The following TANC2 variants were observed in gnomAD, a reference collection of about 807,000 sequenced individuals.
TANC2 encodes protein TANC2.
Under a neutral mutation model 210.5 loss-of-function variants are expected in TANC2, and 26 were observed. The observed-to-expected ratio is 0.12, with a 90% CI of 0.09 to 0.17. TANC2 has a LOEUF of 0.17. Ranked by LOEUF, TANC2 falls within the 10% of genes least tolerant of loss-of-function variation. The pLI, the probability that TANC2 is intolerant of heterozygous loss-of-function variation, is 1.00. For missense variants in TANC2, 2,129 were observed against 2,608.9 expected (o/e 0.82, Z 4.01); for synonymous variants, 931 against 967.1 (o/e 0.96, Z 0.69).
At chr17:63,341,384 G>A (rs962422056) in intron 12 of TANC2, among the ~76,000 whole-genome samples, 2 of 152,016 alleles carry the variant, frequency 1.3e-5, no homozygotes, top group Non-Finnish European at 2.9e-5. Flanking sequence ...TTCTGCCTTC[G>A]TCATGTTTCT....
rs1341893922 is a variant in TANC2, at chr17:62,976,622, T to TC, written c.-24+9877dup. Among the ~76,000 whole-genome samples the TC allele has an allele frequency of 3.3e-5, 5 of 152,148 alleles. No homozygotes were observed. In the South Asian group the frequency reaches 8.3e-4, roughly 25 times the overall value. On this transcript the variant is annotated intron_variant, in intron 1 of 27. Transcript: ENST00000689528. Reference sequence around the variant, plus strand: ...AGGTTCCTCTTCAAAGAAACTTTCCTCCCCGTCTAATTAGGAATAAATAGT... The same window carrying TC: ...AGGTTCCTCTTCAAAGAAACTTTCCTCCCCCGTCTAATTAGGAATAAATAGT...
At chr17:63,290,990 A>T (rs1598787183) in intron 9 of TANC2, among the ~76,000 whole-genome samples, 1 of 152,134 alleles carries the variant, frequency 6.6e-6, no homozygotes, top group Admixed American at 6.5e-5. Context: ...CTTCTCAATA[A>T]CTTTTCTAAA....
chr17:63,255,959 G>T lies in TANC2; in HGVS notation c.1034-11789G>T, dbSNP rs1252872463. ...CTCACTCTGTTGCCCTGGCTGGAGT[G>T]CAGTGGTGTGATCCCAGCTCATTGC... On this transcript the variant is annotated intron_variant, in intron 8 of 27. Transcript: ENST00000689528. 3.7e-5 allele frequency among the ~76,000 whole-genome samples: 5 copies of T among 136,660 alleles called. No individual in the cohort carries two copies. The Admixed American group carries it at 3.9e-4, about 11-fold the overall frequency. The allele number at this position is 136,660 out of a possible 152,430, so 89.7% of individuals were successfully genotyped here. A position where few individuals can be genotyped will look rare whatever the true frequency, so the allele number is the denominator to read the frequency against.
chr17:63,329,733 G>A (rs1011483589), intron 11 of TANC2, among the ~76,000 whole-genome samples: 1 of 152,094 alleles, frequency 6.6e-6, no homozygotes, highest in African/African-American at 2.4e-5. Context: ...TATGTGTTCC[G>A]ATGACTCTAC....
At chr17:63,245,830 G>A (rs185053807) in intron 8 of TANC2, among the ~76,000 whole-genome samples, 15 of 148,998 alleles carry the variant, frequency 1.0e-4, no homozygotes, top group Admixed American at 2.0e-4. Flanking sequence ...GCAACAAGGC[G>A]GGACTCCTTA....
chr17:63,110,957 A>G (rs1327336043), intron 4 of TANC2, among the ~76,000 whole-genome samples: 1 of 152,166 alleles, frequency 6.6e-6, no homozygotes, highest in Non-Finnish European at 1.5e-5. Context: ...TACTCTGAGT[A>G]TGTTTTGTTA....
chr17:62,988,635 C>G (rs1370577753), intron 1 of TANC2, among the ~76,000 whole-genome samples: 1 of 152,144 alleles, frequency 6.6e-6, no homozygotes, highest in Non-Finnish European at 1.5e-5. Context: ...GTAACAGTTG[C>G]TTTGGGTTAC....
intron 8 of TANC2, among the ~76,000 whole-genome samples, chr17:63,262,629 C>G (rs1258974285): frequency 6.9e-6 from 1 of 145,370 alleles, no homozygotes; most frequent in Non-Finnish European, 1.5e-5. Flanking sequence ...TAGTAGTCCT[C>G]TTTTTTTTTT....
intron 1 of TANC2, among the ~76,000 whole-genome samples, chr17:62,977,221 T>C (rs1351586579): frequency 6.6e-6 from 1 of 152,256 alleles, no homozygotes; most frequent in Non-Finnish European, 1.5e-5. Flanking sequence ...GCTTCAGTTA[T>C]TTCTGTAGCA....
chr17:63,194,179 A>G (rs769035223), intron 6 of TANC2, 40 bp downstream of exon 6: 1 of 1,587,296 alleles, frequency 6.3e-7, no homozygotes, highest in Non-Finnish European at 8.6e-7. Flanking sequence ...CATGGTGTGA[A>G]TCAGCTTATT....
intron 8 of TANC2, among the ~76,000 whole-genome samples, chr17:63,265,568 G>A (rs2146256469): frequency 6.6e-6 from 1 of 152,268 alleles, no homozygotes; most frequent in East Asian, 1.9e-4. Flanking sequence ...TAATATTTAT[G>A]TTCAAAATAT....
intron 5 of TANC2, among the ~76,000 whole-genome samples, chr17:63,183,965 C>T (rs868632487): frequency 6.6e-6 from 1 of 151,234 alleles, no homozygotes; most frequent in East Asian, 1.9e-4. Context: ...TGCAGTGAGC[C>T]GAGATCGCGC....
chr17:63,199,285 G>A (rs927682388), intron 6 of TANC2, among the ~76,000 whole-genome samples: 16 of 152,062 alleles, frequency 1.1e-4, no homozygotes, highest in South Asian at 2.1e-4. Flanking sequence ...TCATTAGTGC[G>A]TCTTCAAGTA....
chr17:63,089,924 G>T (rs985927009), intron 3 of TANC2, among the ~76,000 whole-genome samples: 2 of 151,958 alleles, frequency 1.3e-5, no homozygotes, highest in African/African-American at 2.4e-5. Context: ...TACAAATTAG[G>T]TTTTTTAAAA....
intron 4 of TANC2, among the ~76,000 whole-genome samples, chr17:63,140,101 T>A (rs1199425025): frequency 6.6e-6 from 1 of 152,196 alleles, no homozygotes; most frequent in African/African-American, 2.4e-5. Flanking sequence ...AGAAAATCAA[T>A]ATCATGAACA....
intron 8 of TANC2, among the ~76,000 whole-genome samples, chr17:63,248,187 A>G (rs1339125432): frequency 6.6e-6 from 1 of 152,050 alleles, no homozygotes; most frequent in Non-Finnish European, 1.5e-5. Context: ...TTAGCTCTAG[A>G]TACACATACT....
chr17:63,344,599 T>C (rs2046340773), intron 12 of TANC2, among the ~76,000 whole-genome samples: 1 of 152,172 alleles, frequency 6.6e-6, no homozygotes, highest in Non-Finnish European at 1.5e-5. Context: ...TAGCAAACTC[T>C]AAGGAATCTA....
chr17:63,220,446 A>C (rs1352138551), intron 7 of TANC2, among the ~76,000 whole-genome samples: 1 of 151,042 alleles, frequency 6.6e-6, no homozygotes, highest in African/African-American at 2.4e-5. Flanking sequence ...TCATGTCTGT[A>C]ATCTCAGCAC....
intron 11 of TANC2, among the ~76,000 whole-genome samples, chr17:63,323,426 G>A (rs1023446822): frequency 7.9e-5 from 12 of 152,122 alleles, no homozygotes; most frequent in Admixed American, 1.3e-4. Context: ...GGCATCTCTC[G>A]AGCGTGTCTC....
Sources: allele counts gnomAD v4.1 joint callset (sites outside exome capture counted in the v4.1 genomes callset), GRCh38; gene constraint gnomAD v4.1.1; transcripts MANE v1.5; gene names NCBI Gene and HGNC (gene_info 2026-07-23, HGNC 2026-07-21).